The following ATP7A variants were observed in gnomAD, a reference collection of about 807,000 sequenced individuals.
The protein encoded by ATP7A is copper-transporting ATPase 1.
ATP7A carries 7 observed loss-of-function variants against 83.5 expected under a neutral mutation model. The observed-to-expected ratio is 0.08, with a 90% confidence interval of 0.05 to 0.16. The LOEUF (loss-of-function observed/expected upper bound fraction) is 0.16. Ranked by LOEUF, ATP7A falls within the 10% of genes least tolerant of loss-of-function variation. The pLI, the probability that ATP7A is intolerant of heterozygous loss-of-function variation, is 1.00. For synonymous variants in ATP7A, 354 were observed against 395.2 expected (o/e 0.90, Z 1.24); for missense variants, 940 against 1,120.8 (o/e 0.84, Z 2.30).
chrX:78,028,468 C>T (rs1482637615), intron 14 of ATP7A, among the ~76,000 whole-genome samples: 3 of 111,878 alleles, frequency 2.7e-5, no homozygotes, highest in Non-Finnish European at 1.9e-5. Context: ...GGATTACAGG[C>T]GTGAGCCACT....
Position 78,049,931 on chromosome X carries a change from A to T in ATP7A, c.*3361A>T, listed in dbSNP as rs1391486125. Reference sequence around the variant, plus strand: ...TTACTGGTTATTTTAAAAAGAATAAAGACATTCCTGGAATCACTCCTTTTG... The same window carrying T: ...TTACTGGTTATTTTAAAAAGAATAATGACATTCCTGGAATCACTCCTTTTG... On this transcript the variant is annotated 3_prime_UTR_variant, in exon 23 of 23. Coordinates refer to ENST00000341514, the MANE Select transcript of ATP7A (RefSeq NM_000052.7). The T allele has an allele frequency of 1.8e-5, 2 of 112,232 alleles. No homozygotes were observed. Among genetic ancestry groups the T allele is most frequent in the Non-Finnish European group, 3.8e-5 (2 of 53,118 alleles). The allele number at this position is 112,232 out of a possible 1,213,427, so 9.2% of individuals were successfully genotyped here.
Position 77,989,321 on chromosome X carries a change from C to A in ATP7A, c.699C>A (p.Gly233=). 8.3e-7 allele frequency: 1 copy of A among 1,211,486 alleles called. No homozygotes were observed. Among genetic ancestry groups the A allele is most frequent in the Non-Finnish European group, 1.1e-6 (1 of 895,391 alleles). ...EEMKKQIEAM[G]FPAFVKKQPK... is the part of the protein sequence containing the mutation. ...TGAAAAAGCAGATTGAAGCTATGGG[C>A]TTTCCAGCATTTGTCAAAAAGCAGC... Residue 233 remains glycine, a synonymous_variant, in exon 4 of 23, where the codon GGC becomes GGA. Coordinates refer to ENST00000341514, the MANE Select transcript of ATP7A (RefSeq NM_000052.7).
chrX:77,936,562 C>T (rs1257471455), intron 1 of ATP7A, among the ~76,000 whole-genome samples: 1 of 112,007 alleles, frequency 8.9e-6, no homozygotes, highest in African/African-American at 3.2e-5. Flanking sequence ...ACCCATTAAA[C>T]AACACTAGTG....
intron 17 of ATP7A, among the ~76,000 whole-genome samples, chrX:78,037,988 T>TG (rs2078024681): frequency 1.1e-5 from 1 of 90,314 alleles, no homozygotes; most frequent in East Asian, 3.4e-4. Flanking sequence ...AGGTTTTTTT[T>TG]TTTTTTTTTT....
intron 17 of ATP7A, among the ~76,000 whole-genome samples, chrX:78,037,911 T>G (rs1326112747): frequency 9.3e-6 from 1 of 107,163 alleles, no homozygotes; most frequent in African/African-American, 3.4e-5. Context: ...AGAGATACTT[T>G]TGGAAAGTTT....
Position 78,011,163 on chromosome X carries a change from T to C in ATP7A, c.1870-13T>C. 1 of 1,199,571 alleles carries C rather than the reference T, an allele frequency of 8.3e-7. No individual in the cohort carries two copies. The highest frequency in any genetic ancestry group is 1.1e-6 in the Non-Finnish European group (1 of 884,742). On this transcript the variant is annotated splice_polypyrimidine_tract_variant and intron_variant, in intron 7 of 22. Coordinates refer to ENST00000341514, the MANE Select transcript of ATP7A (RefSeq NM_000052.7). ...GTTCAGTGAAATAATTTTTTTCTCA[T>C]GAATTTCCTTAGAGCTTAGGTTTTG...
intron 2 of ATP7A, among the ~76,000 whole-genome samples, chrX:77,980,360 G>A (rs993643199): frequency 9.1e-6 from 1 of 110,231 alleles, no homozygotes. Flanking sequence ...AGGCAGAATT[G>A]CTTGAACCCT....
chrX:77,930,985 C>CT (rs1180844779), intron 1 of ATP7A, among the ~76,000 whole-genome samples: 1,144 of 34,921 alleles, frequency 0.033, 22 homozygotes, highest in African/African-American at 0.041. Context: ...TAGGAACATT[C>CT]TTTTTTTTTT....
intron 2 of ATP7A, among the ~76,000 whole-genome samples, chrX:77,987,916 G>T (rs2077647819): frequency 9.0e-6 from 1 of 111,427 alleles, no homozygotes; most frequent in African/African-American, 3.3e-5. Flanking sequence ...AGTGTGAAGT[G>T]TTGGAGTAAT....
chrX:77,975,323 A>G (rs1246080214), intron 2 of ATP7A, among the ~76,000 whole-genome samples: 1 of 108,865 alleles, frequency 9.2e-6, no homozygotes, highest in Admixed American at 1.0e-4. Context: ...ACTCTTTCCC[A>G]TGCTTTATTT....
intron 1 of ATP7A, among the ~76,000 whole-genome samples, chrX:77,965,705 C>T (rs1460538432): frequency 8.9e-6 from 1 of 111,856 alleles, no homozygotes; most frequent in Non-Finnish European, 1.9e-5. Context: ...ATGTTTATAG[C>T]AGCATTATTC....
At chrX:77,959,438 C>G (rs1406966466) in intron 1 of ATP7A, among the ~76,000 whole-genome samples, 1 of 111,630 alleles carries the variant, frequency 9.0e-6, no homozygotes, top group African/African-American at 3.3e-5. Context: ...TTCTCATTCT[C>G]AGTGCTATAG....
intron 5 of ATP7A, among the ~76,000 whole-genome samples, chrX:77,999,263 C>T (rs1213481272): frequency 3.6e-5 from 4 of 111,050 alleles, no homozygotes; most frequent in Non-Finnish European, 7.5e-5. Flanking sequence ...TCCCAAAGTG[C>T]CAGGATTACA....
chrX:77,923,676 G>C (rs1235218352), intron 1 of ATP7A: 6 of 107,570 alleles, frequency 5.6e-5, no homozygotes, highest in Non-Finnish European at 1.1e-4. Context: ...GCTTTCAAAA[G>C]AAGGTGTTGT....
At chrX:78,023,636 A>G (rs1483073051) in intron 14 of ATP7A, among the ~76,000 whole-genome samples, 1 of 110,519 alleles carries the variant, frequency 9.0e-6, no homozygotes, top group Non-Finnish European at 1.9e-5. Context: ...CCCTTTGCCC[A>G]CTTTTAAATA....
At chrX:77,994,062 T>TTTATTA (rs1223545122) in intron 4 of ATP7A, among the ~76,000 whole-genome samples, 11 of 110,041 alleles carry the variant, frequency 1.0e-4, no homozygotes, top group African/African-American at 9.9e-5. Context: ...TAGCTAGCAT[T>TTTATTA]TTATTATTAT....
intron 5 of ATP7A, among the ~76,000 whole-genome samples, chrX:78,000,864 C>T (rs1463235016): frequency 9.1e-5 from 10 of 109,639 alleles, no homozygotes; most frequent in East Asian, 5.6e-4. Context: ...AGAGTTTCAC[C>T]ATGTTGGCCA....
chrX:77,915,254 G>A (rs781804751), intron 1 of ATP7A, among the ~76,000 whole-genome samples: 2 of 110,585 alleles, frequency 1.8e-5, no homozygotes, highest in African/African-American at 6.6e-5. Context: ...GGTTGAGGCT[G>A]CAGTGAGCTG....
intron 12 of ATP7A, among the ~76,000 whole-genome samples, chrX:78,018,822 A>C (rs1401356798): frequency 8.9e-6 from 1 of 112,140 alleles, no homozygotes; most frequent in Non-Finnish European, 1.9e-5. Context: ...CAGGAAACTT[A>C]AAATCTTGGC....
Sources: gnomAD v4.1 joint callset for allele counts (sites outside exome capture counted in the v4.1 genomes callset) on GRCh38, gnomAD v4.1.1 for gene constraint, MANE v1.5 for transcripts, NCBI Gene and HGNC (gene_info 2026-07-23, HGNC 2026-07-21) for gene names.